Variants in OTOGL observed in about 807,000 individuals in gnomAD.
OTOGL encodes the protein otogelin-like protein.
In OTOGL, 285 loss-of-function variants were observed where a neutral mutation model predicts 318.5. That is an observed-to-expected ratio of 0.89 (90% confidence interval 0.81 to 0.99). The LOEUF (loss-of-function observed/expected upper bound fraction) is 0.99. OTOGL is among the 50% of genes least tolerant of loss of function. The pLI is 0.00. For missense variants in OTOGL, 2,899 were observed against 2,845.6 expected, an observed-to-expected ratio of 1.02 and a Z score of -0.43; for synonymous variants, 987 against 936.5, an observed-to-expected ratio of 1.05 and a Z score of -0.99.
chr12:80,289,150 C>G (rs1884851329), intron 26 of OTOGL, among the ~76,000 whole-genome samples: 1 of 152,152 alleles, frequency 6.6e-6, no homozygotes, highest in African/African-American at 2.4e-5. Context: ...ACAGTCAGGG[C>G]TCTCTTCTGC....
chr12:80,318,401 G>T, intron 32 of OTOGL, 145 bp from the exon 33 acceptor site: 1 of 491,822 alleles, frequency 2.0e-6, no homozygotes, highest in Non-Finnish European at 3.2e-6. Flanking sequence ...CATTATTTTT[G>T]AAGAATTCAG....
rs1288441044 is a variant in OTOGL, at chr12:80,328,648, CT to C, written c.4200-11del. On this transcript the variant is annotated splice_polypyrimidine_tract_variant and intron_variant, in intron 35 of 58. Coordinates refer to ENST00000547103, the MANE Select transcript of OTOGL (RefSeq NM_001378609.3). ...AAACTTTTCTTCACTTTGATTTACT[CT>C]TTTTTCCATGTAAAGGGTTGAAGGA... 2 of 1,542,758 alleles carry C rather than the reference CT, an allele frequency of 1.3e-6. No individual in the cohort carries two copies. The highest frequency in any genetic ancestry group is 8.9e-7 in the Non-Finnish European group (1 of 1,123,770).
At chr12:80,362,986 T>C (rs1254022776) in intron 52 of OTOGL, among the ~76,000 whole-genome samples, 5 of 151,850 alleles carry the variant, frequency 3.3e-5, no homozygotes, top group Admixed American at 2.6e-4. Context: ...AGAGACAGAG[T>C]CTGTCTCTGT....
intron 38 of OTOGL, among the ~76,000 whole-genome samples, chr12:80,334,075 C>T (rs1453254879): frequency 6.6e-6 from 1 of 152,010 alleles, no homozygotes; most frequent in Non-Finnish European, 1.5e-5. Context: ...ATCATTTTGG[C>T]TGGTATATTG....
chr12:80,212,059 C>A, intron 4 of OTOGL, 62 bp downstream of exon 4: 1 of 1,444,226 alleles, frequency 6.9e-7, no homozygotes, highest in Non-Finnish European at 9.4e-7. Flanking sequence ...TTGGACTCTG[C>A]TGTCACTTCA....
chr12:80,162,541 G>A (rs891465042), intron 1 of OTOGL, among the ~76,000 whole-genome samples: 2 of 152,026 alleles, frequency 1.3e-5, no homozygotes, highest in African/African-American at 2.4e-5. Context: ...TGAAAGCAAC[G>A]TGTCAGCAGG....
At chr12:80,279,271 C>G in intron 26 of OTOGL, 105 bp downstream of exon 26, 1 of 1,150,320 alleles carries the variant, frequency 8.7e-7, no homozygotes, top group Non-Finnish European at 1.2e-6. Context: ...ATTTATAAAA[C>G]CTATAAAACA....
intron 23 of OTOGL, among the ~76,000 whole-genome samples, chr12:80,270,863 A>G (rs1003190617): frequency 1.3e-5 from 2 of 152,170 alleles, no homozygotes; most frequent in Non-Finnish European, 2.9e-5. Flanking sequence ...CACATAATAA[A>G]CAATACTTGC....
At chr12:80,103,334 T>G (rs1869256500) in intron 1 of OTOGL, 1 of 1,530,448 alleles carries the variant, frequency 6.5e-7, no homozygotes. Flanking sequence ...TAAACTTCAT[T>G]TTGGCCGCTC....
At chr12:80,122,974 G>A (rs1870578372) in intron 1 of OTOGL, among the ~76,000 whole-genome samples, 1 of 151,390 alleles carries the variant, frequency 6.6e-6, no homozygotes, top group African/African-American at 2.4e-5. Flanking sequence ...CTCCAGGTAA[G>A]AGGACAGAGT....
Position 80,331,333 on chromosome 12 carries a change from A to ATTTTT in OTOGL, c.4349-1651_4349-1647dup, listed in dbSNP as rs386377119. ...ACCACTGAACTTCCCAGTCATTAGA[A>ATTTTT]TTTTTTTTTTTTTTTTTTTTTTTTT... On this transcript the variant is annotated intron_variant, in intron 37 of 58. Coordinates refer to ENST00000547103, the MANE Select transcript of OTOGL (RefSeq NM_001378609.3). Among the ~76,000 whole-genome samples, 104 of 81,816 alleles carry ATTTTT rather than the reference A, an allele frequency of 1.3e-3. 1 individual carries two copies. Among genetic ancestry groups the ATTTTT allele is most frequent in the African/African-American group, 2.3e-3 (48 of 21,014 alleles). 53.7% of individuals were successfully genotyped at this position (81,816 alleles called of 152,430 possible). A position where few individuals can be genotyped will look rare whatever the true frequency, so the allele number is the denominator to read the frequency against.
chr12:80,273,411 CTG>C (rs1033394138), intron 24 of OTOGL, among the ~76,000 whole-genome samples: 1 of 151,998 alleles, frequency 6.6e-6, no homozygotes, highest in Non-Finnish European at 1.5e-5. Context: ...TGAGAAATCA[CTG>C]TGGATTGAAG....
At chr12:80,241,727 T>C (rs559907592) in intron 11 of OTOGL, among the ~76,000 whole-genome samples, 114 of 152,270 alleles carry the variant, frequency 7.5e-4, no homozygotes, top group African/African-American at 2.7e-3. Flanking sequence ...CTAAAATGAC[T>C]GTGACTTAAA....
chr12:80,334,651 T>A (rs1888283438), intron 38 of OTOGL, among the ~76,000 whole-genome samples: 2 of 152,202 alleles, frequency 1.3e-5, no homozygotes, highest in East Asian at 1.9e-4. Context: ...CTGCAGGTGA[T>A]CTGAAATCTA....
Position 80,318,702 on chromosome 12 carries a change from A to G in OTOGL, c.3791A>G (p.Glu1264Gly). The change falls in exon 33 of 59, where the codon GAG becomes GGG. Residue 1264 changes from glutamate (E) to glycine (G), a missense_variant. By Grantham distance (98) the Glu-to-Gly change is moderately conservative. Transcript: ENST00000547103. The stretch of plus-strand genomic sequence containing the variant: ...ATGATCACTCCAGGCCTTTTCAAAG[A>G]GAAGGTATCATGTAAGTATAATTGA... ...YFMITPGLFKEKVSSLALVSL... is the reference protein window; with the variant it reads ...YFMITPGLFKGKVSSLALVSL... 1 of 1,284,186 alleles carries G rather than the reference A, an allele frequency of 7.8e-7. No individual in the cohort carries two copies. Among genetic ancestry groups the G allele is most frequent in the East Asian group, 3.0e-5 (1 of 33,018 alleles). The allele number at this position is 1,284,186 out of a possible 1,614,324, so 79.5% of individuals were successfully genotyped here.
chr12:80,177,574 T>C lies in OTOGL; in HGVS notation c.-19-31839T>C, dbSNP rs144718629. Among the ~76,000 whole-genome samples, 4 of 152,316 alleles carry C rather than the reference T, an allele frequency of 2.6e-5. No homozygotes were observed. The East Asian group carries it at 7.7e-4, about 29-fold the overall frequency. ...CTTTAACTTTATCCTTTTTTTTAAA[T>C]GAAAGTTGTTTTGGTGATCTTATGT... On this transcript the variant is annotated intron_variant, in intron 1 of 58. Transcript: ENST00000547103.
intron 38 of OTOGL, among the ~76,000 whole-genome samples, chr12:80,334,234 A>C (rs1461233390): frequency 6.6e-6 from 1 of 152,156 alleles, no homozygotes; most frequent in Non-Finnish European, 1.5e-5. Flanking sequence ...AGGTAGAAAG[A>C]TTACATGTGA....
intron 34 of OTOGL, among the ~76,000 whole-genome samples, chr12:80,320,959 A>AT (rs1887295154): frequency 1.3e-5 from 2 of 152,096 alleles, no homozygotes; most frequent in African/African-American, 2.4e-5. Context: ...AAATAACCTG[A>AT]TTTTTTATTA....
chr12:80,137,754 C>T (rs762096285), intron 1 of OTOGL, among the ~76,000 whole-genome samples: 2 of 152,082 alleles, frequency 1.3e-5, no homozygotes, highest in African/African-American at 4.8e-5. Flanking sequence ...GTTCTGATGC[C>T]AGGGTAATTA....
Sources: gnomAD v4.1 joint callset for allele counts (sites outside exome capture counted in the v4.1 genomes callset) on GRCh38, gnomAD v4.1.1 for gene constraint, MANE v1.5 for transcripts, NCBI Gene and HGNC (gene_info 2026-07-23, HGNC 2026-07-21) for gene names.